Variants in NRXN3 observed in about 807,000 individuals in gnomAD.
The protein encoded by NRXN3 is neurexin III.
Under a neutral mutation model 137.6 loss-of-function variants are expected in NRXN3, and 32 were observed. That is an observed-to-expected ratio of 0.23 (90% confidence interval 0.18 to 0.31). The LOEUF is 0.31. Among genes scored for constraint, NRXN3 ranks in the 10% least tolerant of loss-of-function variants. NRXN3 has a pLI of 1.00. For missense variants in NRXN3, 1,574 were observed against 2,062.5 expected, an observed-to-expected ratio of 0.76 and a Z score of 4.59; for synonymous variants, 798 against 784.5, an observed-to-expected ratio of 1.02 and a Z score of -0.29.
chr14:78,883,513 G>A (rs1326067347), intron 10 of NRXN3, among the ~76,000 whole-genome samples: 1 of 152,134 alleles, frequency 6.6e-6, no homozygotes, highest in Non-Finnish European at 1.5e-5. Context: ...AAAACAGAAG[G>A]CAAAAATAGT....
At chr14:78,289,735 T>A (rs768046813) in intron 3 of NRXN3, among the ~76,000 whole-genome samples, 3 of 151,848 alleles carry the variant, frequency 2.0e-5, no homozygotes, top group Non-Finnish European at 2.9e-5. Flanking sequence ...CCAACATGGT[T>A]AAACCCCGTC....
chr14:79,466,255 A>G (rs1325443922), intron 15 of NRXN3, among the ~76,000 whole-genome samples: 1 of 152,168 alleles, frequency 6.6e-6, no homozygotes, highest in Non-Finnish European at 1.5e-5. Context: ...TGCCAGATAA[A>G]TACCACCACT....
intron 4 of NRXN3, among the ~76,000 whole-genome samples, chr14:78,525,255 C>T (rs1252389654): frequency 6.6e-6 from 1 of 152,130 alleles, no homozygotes; most frequent in African/African-American, 2.4e-5. Context: ...GGCTTTCTCC[C>T]TTGTCTCAAA....
At chr14:78,410,475 G>C (rs534458087) in intron 4 of NRXN3, among the ~76,000 whole-genome samples, 1 of 152,296 alleles carries the variant, frequency 6.6e-6, no homozygotes, top group East Asian at 1.9e-4. Flanking sequence ...TGGACTATAA[G>C]ACATAAGCTG....
chr14:79,112,691 T>C (rs2053752907), intron 15 of NRXN3, among the ~76,000 whole-genome samples: 1 of 152,250 alleles, frequency 6.6e-6, no homozygotes, highest in South Asian at 2.1e-4. Context: ...AAAGCCAGGC[T>C]AGTCTCTGGA....
chr14:78,840,186 T>C (rs145537198), intron 10 of NRXN3, among the ~76,000 whole-genome samples: 1 of 152,204 alleles, frequency 6.6e-6, no homozygotes, highest in African/African-American at 2.4e-5. Context: ...ATCATGAAGA[T>C]GGTTTTATGA....
chr14:78,463,292 T>C (rs1052471118), intron 4 of NRXN3, among the ~76,000 whole-genome samples: 5 of 152,100 alleles, frequency 3.3e-5, no homozygotes, highest in African/African-American at 1.2e-4. Context: ...CAGTCACCAG[T>C]TGATGGACAC....
At chr14:78,278,890 C>G (rs2073999443) in intron 3 of NRXN3, among the ~76,000 whole-genome samples, 1 of 152,184 alleles carries the variant, frequency 6.6e-6, no homozygotes, top group Non-Finnish European at 1.5e-5. Context: ...TAATCACTTC[C>G]TTCTCATTAG....
chr14:78,545,913 A>C (rs990529529), intron 4 of NRXN3, among the ~76,000 whole-genome samples: 1 of 151,788 alleles, frequency 6.6e-6, no homozygotes, highest in Non-Finnish European at 1.5e-5. Flanking sequence ...GCTCTAATTC[A>C]CTCTTTTTAA....
chr14:78,489,011 A>C (rs1471656843), intron 4 of NRXN3, among the ~76,000 whole-genome samples: 1 of 152,174 alleles, frequency 6.6e-6, no homozygotes, highest in African/African-American at 2.4e-5. Flanking sequence ...GCTGCTTCTA[A>C]GAAAATAAGA....
At chr14:78,906,947 A>G (rs2099219160) in intron 10 of NRXN3, among the ~76,000 whole-genome samples, 1 of 151,980 alleles carries the variant, frequency 6.6e-6, no homozygotes, top group Non-Finnish European at 1.5e-5. Context: ...TGCAGCCAAC[A>G]GAATATGGTA....
Position 79,539,560 on chromosome 14 carries a change from C to G in NRXN3, c.3444+72158C>G, listed in dbSNP as rs990961559. On this transcript the variant is annotated intron_variant, in intron 16 of 20. Coordinates refer to ENST00000335750, the MANE Select transcript of NRXN3 (RefSeq NM_001330195.2). ...ATTTATTTTTCTCTCAGATTCATGT[C>G]TAATTCATACCAGTTGAGCCTTGCT... Among the ~76,000 whole-genome samples the G allele has an allele frequency of 5.9e-5, 9 of 152,138 alleles. 1 individual carries two copies. Among genetic ancestry groups the G allele is most frequent in the Admixed American group, 1.3e-4 (2 of 15,274 alleles).
chr14:79,099,551 A>G (rs2050906152), intron 15 of NRXN3, among the ~76,000 whole-genome samples: 1 of 152,202 alleles, frequency 6.6e-6, no homozygotes, highest in African/African-American at 2.4e-5. Flanking sequence ...GCTAAAGCTA[A>G]TTTTTTAAAG....
At chr14:79,741,218 G>A (rs1350008591) in intron 19 of NRXN3, among the ~76,000 whole-genome samples, 2 of 152,084 alleles carry the variant, frequency 1.3e-5, no homozygotes, top group African/African-American at 4.8e-5. Context: ...TGAAATAAAT[G>A]ATACCTTCAT....
chr14:79,708,186 G>A (rs1307376175), intron 19 of NRXN3, among the ~76,000 whole-genome samples: 1 of 152,130 alleles, frequency 6.6e-6, no homozygotes. Context: ...TACTGAACAT[G>A]TACAGACTTT....
rs1003853620 is a variant in NRXN3 at position 79,718,244 on chromosome 14, G to C, written c.4014+20307G>C. On this transcript the variant is annotated intron_variant, in intron 19 of 20. Coordinates refer to ENST00000335750, the MANE Select transcript of NRXN3 (RefSeq NM_001330195.2). ...GTCTGGGGGAAGAACATTTACAGCAGAGGGAACGGTTAGTGTAAAGGCCTT... is the reference window on the plus strand; with the variant it reads ...GTCTGGGGGAAGAACATTTACAGCACAGGGAACGGTTAGTGTAAAGGCCTT... Among the ~76,000 whole-genome samples, 4 of 152,284 alleles carry C rather than the reference G, an allele frequency of 2.6e-5. No individual in the cohort carries two copies. In the East Asian group the frequency reaches 7.7e-4, roughly 29 times the overall value.
intron 15 of NRXN3, among the ~76,000 whole-genome samples, chr14:79,286,844 T>C (rs147698682): frequency 1.5e-4 from 23 of 152,276 alleles, no homozygotes; most frequent in African/African-American, 5.3e-4. Context: ...TCACAATGAA[T>C]AAGTCACTTG....
chr14:79,485,932 A>AT (rs2096652091), intron 16 of NRXN3, among the ~76,000 whole-genome samples: 2 of 152,072 alleles, frequency 1.3e-5, no homozygotes, highest in South Asian at 2.1e-4. Context: ...TTAGAGTAAG[A>AT]TTTTCTTTAC....
chr14:79,743,141 T>A (rs191649947), intron 19 of NRXN3, among the ~76,000 whole-genome samples: 1 of 152,274 alleles, frequency 6.6e-6, no homozygotes, highest in Non-Finnish European at 1.5e-5. Context: ...TTATTTACTT[T>A]TGTATGTTTC....
Sources: allele counts gnomAD v4.1 joint callset (sites outside exome capture counted in the v4.1 genomes callset), GRCh38; gene constraint gnomAD v4.1.1; transcripts MANE v1.5; gene names NCBI Gene and HGNC (gene_info 2026-07-23, HGNC 2026-07-21).